The following SNORC variants were observed in gnomAD, a reference collection of about 807,000 sequenced individuals.
The protein encoded by SNORC is secondary ossification center associated regulator of chondrocyte maturation, also known as protein SNORC.
Under a neutral mutation model 9.7 loss-of-function variants are expected in SNORC, and 11 were observed. That is an observed-to-expected ratio of 1.14 (90% CI 0.72 to 1.88). The LOEUF is 1.88. Among genes scored for constraint, SNORC ranks in the 40% most tolerant of loss-of-function variants. The probability of loss-of-function intolerance (pLI) is 0.00; values close to 1 mark genes in which losing one functional copy is unlikely to be tolerated. For synonymous variants in SNORC, 108 were observed against 88.7 expected (o/e 1.22, Z -1.22); for missense variants, 197 against 173.1 (o/e 1.14, Z -0.77).
chr2:232,866,966 C>T (rs747183738), upstream of SNORC, among the ~76,000 whole-genome samples: 2 of 152,178 alleles, frequency 1.3e-5, no homozygotes, highest in Non-Finnish European at 2.9e-5. Flanking sequence ...CCATGTCTCT[C>T]ACATTCAGTA....
downstream of SNORC, chr2:232,876,428 G>A: frequency 6.9e-7 from 1 of 1,448,584 alleles, no homozygotes; most frequent in African/African-American, 1.5e-5. This position sits in a 1 kb window ranked among gnomAD's most constrained non-coding sequence, Gnocchi z 6.8. Context: ...ATGTCCGCGC[G>A]TGCGTGTCCG....
rs558643828 is a variant in SNORC, at chr2:232,870,970, G to A, written c.73+556G>A. 3.0e-4 allele frequency among the ~76,000 whole-genome samples: 45 copies of A among 152,364 alleles called. 1 individual carries two copies. Among genetic ancestry groups the A allele is most frequent in the African/African-American group, 9.9e-4 (41 of 41,578 alleles). On this transcript the variant is annotated intron_variant, in intron 1 of 2. Coordinates refer to ENST00000331342, the Ensembl canonical transcript of SNORC. ...TCTGGACTGAGATCAGAGTGGCGGA[G>A]TCTGGGGTCCCACGAGAGGGAGGCC...
At chr2:232,873,242 G>T (rs867877132) in intron 1 of SNORC, among the ~76,000 whole-genome samples, 2 of 152,214 alleles carry the variant, frequency 1.3e-5, no homozygotes, top group Admixed American at 1.3e-4. Context: ...GCAAGGATAG[G>T]CCCCAGCCCT....
At chr2:232,876,824 G>C, downstream of SNORC, 1 of 985,510 alleles carries the variant, frequency 1.0e-6, no homozygotes, top group Non-Finnish European at 1.2e-6. The surrounding 1 kb of genome is among the most constrained non-coding windows in gnomAD (Gnocchi z 6.8). Context: ...TTCTCCCGGC[G>C]CCGCCTCCTC....
chr2:232,875,839 T>G (rs1440954374), intron 1 of SNORC, 101 bp from the exon 2 acceptor site: 10 of 1,269,738 alleles, frequency 7.9e-6, no homozygotes, highest in Non-Finnish European at 1.1e-5. Context: ...CCCAGACCCC[T>G]CACACAGCGC....
chr2:232,871,067 A>G (rs1691008734), intron 1 of SNORC, among the ~76,000 whole-genome samples: 1 of 152,162 alleles, frequency 6.6e-6, no homozygotes, highest in South Asian at 2.1e-4. Flanking sequence ...CTGAGAGACA[A>G]AGGGCGCAGA....
chr2:232,877,934 C>G (rs1168471408), downstream of SNORC: 1 of 152,318 alleles, frequency 6.6e-6, no homozygotes, highest in Non-Finnish European at 1.5e-5. Context: ...AATGGCCACC[C>G]AACTCCTTCC....
downstream of SNORC, chr2:232,876,559 G>T (rs1038314755): frequency 1.7e-6 from 2 of 1,176,744 alleles, no homozygotes; most frequent in Non-Finnish European, 2.1e-6. The surrounding 1 kb of genome is among the most constrained non-coding windows in gnomAD (Gnocchi z 6.8). Context: ...CGAATTCCCC[G>T]CAGGGGCGCC....
chr2:232,872,940 G>A lies in SNORC; in HGVS notation c.73+2526G>A, dbSNP rs13010587. Among the ~76,000 whole-genome samples, 184 of 152,308 alleles carry A rather than the reference G, an allele frequency of 1.2e-3. 1 individual carries two copies. The highest frequency in any genetic ancestry group is 2.2e-3 in the Non-Finnish European group (148 of 68,028). On this transcript the variant is annotated intron_variant, in intron 1 of 2. Transcript: ENST00000331342. ...GTGGCTGAGTGCAGGCTGTCATTCC[G>A]AGCCTATGTGTCTGCCACTTGGGCA... is the stretch of plus-strand genomic sequence containing the variant.
chr2:232,875,270 G>C (rs1454284617), intron 1 of SNORC, among the ~76,000 whole-genome samples: 1 of 152,212 alleles, frequency 6.6e-6, no homozygotes, highest in African/African-American at 2.4e-5. Context: ...TTGAACCCGG[G>C]AGGCGGAGGC....
downstream of SNORC, chr2:232,876,503 G>T (rs1691252437): frequency 7.8e-7 from 1 of 1,284,002 alleles, no homozygotes; most frequent in Non-Finnish European, 9.8e-7. This position sits in a 1 kb window ranked among gnomAD's most constrained non-coding sequence, Gnocchi z 6.8. Context: ...GTGCGCGCGG[G>T]GCCGAGGGTG....
At chr2:232,873,531 G>A (rs1302683719) in intron 1 of SNORC, among the ~76,000 whole-genome samples, 3 of 152,198 alleles carry the variant, frequency 2.0e-5, no homozygotes, top group African/African-American at 4.8e-5. Flanking sequence ...GATGCCACCC[G>A]GCTCAGCTGG....
At chr2:232,872,531 G>A (rs988276285) in intron 1 of SNORC, among the ~76,000 whole-genome samples, 6 of 152,218 alleles carry the variant, frequency 3.9e-5, no homozygotes, top group Admixed American at 6.5e-5. Flanking sequence ...GGGTCAGAGC[G>A]CGTAGCCACA....
In SNORC at chr2:232,876,230, T is replaced by C. The variant is rs755689173; in HGVS notation, c.257-17T>C. On this transcript the variant is annotated splice_polypyrimidine_tract_variant and intron_variant, in intron 2 of 2. Coordinates refer to ENST00000331342, the Ensembl canonical transcript of SNORC. The surrounding 1 kb of genome is among the most constrained non-coding windows in gnomAD (Gnocchi z 6.8). ...AGGCGGGGGCTAGCAGGTGACATGG[T>C]CCTCCGTCCTCCGCAGGGTCGCTGG... is the stretch of plus-strand genomic sequence containing the variant. The C allele has an allele frequency of 2.1e-4, 316 of 1,495,114 alleles. No individual in the cohort carries two copies. In the Middle Eastern group the frequency reaches 3.1e-3, roughly 15 times the overall value. 92.6% of individuals were successfully genotyped at this position (1,495,114 alleles called of 1,614,324 possible).
chr2:232,876,631 G>T (rs1691262064), downstream of SNORC: 1 of 1,040,000 alleles, frequency 9.6e-7, no homozygotes, highest in South Asian at 4.6e-5. This position sits in a 1 kb window ranked among gnomAD's most constrained non-coding sequence, Gnocchi z 6.8. Context: ...ACCTGAGCGC[G>T]CGCAGGGCCG....
downstream of SNORC, chr2:232,877,284 A>G (rs1691308549): frequency 2.0e-6 from 2 of 985,050 alleles, no homozygotes; most frequent in Non-Finnish European, 2.4e-6. Flanking sequence ...ACCTCACTTC[A>G]CCCTCAGAGA....
upstream of SNORC, among the ~76,000 whole-genome samples, chr2:232,868,288 G>T (rs1690914595): frequency 1.3e-5 from 2 of 151,964 alleles, no homozygotes; most frequent in East Asian, 1.9e-4. Context: ...TTGGAGATGG[G>T]TTTTCGCCAT....
rs1005166322 is a variant in SNORC at position 232,871,166 on chromosome 2, C to T, written c.73+752C>T. 3.3e-5 allele frequency among the ~76,000 whole-genome samples: 5 copies of T among 152,134 alleles called. No homozygotes were observed. In the South Asian group the frequency reaches 1.0e-3, roughly 32 times the overall value. ...TGTCACAGTAGCGGGGTTCAGGGACCCTGCAGCCTGGGTCTTCTGGAGGGC... is the reference window on the plus strand; with the variant it reads ...TGTCACAGTAGCGGGGTTCAGGGACTCTGCAGCCTGGGTCTTCTGGAGGGC... On this transcript the variant is annotated intron_variant, in intron 1 of 2. Coordinates refer to ENST00000331342, the Ensembl canonical transcript of SNORC.
chr2:232,869,874 C>A, upstream of SNORC: 1 of 253,170 alleles, frequency 3.9e-6, no homozygotes, highest in Non-Finnish European at 7.7e-6. Flanking sequence ...CCAAATTTCC[C>A]CAAGCCCAGG....
Sources: gnomAD v4.1 joint callset for allele counts (sites outside exome capture counted in the v4.1 genomes callset) on GRCh38, gnomAD v4.1.1 for gene constraint, Gnocchi (gnomAD v3.1) non-coding constraint, MANE v1.5 for transcripts, NCBI Gene and HGNC (gene_info 2026-07-23, HGNC 2026-07-21) for gene names.